The following DOK6 variants were observed in gnomAD, a reference collection of about 807,000 sequenced individuals.
The protein encoded by DOK6 is docking protein 6.
Under a neutral mutation model 44.0 loss-of-function variants are expected in DOK6, and 22 were observed. That is an observed-to-expected ratio of 0.50 (90% CI 0.36 to 0.71). The LOEUF (loss-of-function observed/expected upper bound fraction) is 0.71, where lower values mean the gene tolerates loss of function less well. Among genes scored for constraint, DOK6 ranks in the 30% least tolerant of loss-of-function variants. The pLI is 0.00. For missense variants in DOK6, 340 were observed against 416.4 expected (o/e 0.82, Z 1.60); for synonymous variants, 166 against 145.5 (o/e 1.14, Z -1.01).
chr18:69,743,498 C>T (rs1305966127), intron 6 of DOK6, among the ~76,000 whole-genome samples: 1 of 152,142 alleles, frequency 6.6e-6, no homozygotes, highest in African/African-American at 2.4e-5. Flanking sequence ...GACACGGCCT[C>T]AACTGGATTG....
At chr18:69,538,387 T>C (rs1982177644) in intron 1 of DOK6, among the ~76,000 whole-genome samples, 2 of 152,062 alleles carry the variant, frequency 1.3e-5, no homozygotes, top group South Asian at 4.1e-4. Context: ...ATTTCTCCTT[T>C]TTTTTTCCCC....
chr18:69,434,039 A>C (rs1191111725), intron 1 of DOK6, among the ~76,000 whole-genome samples: 2 of 152,202 alleles, frequency 1.3e-5, no homozygotes, highest in Admixed American at 1.3e-4. Flanking sequence ...TCCATCTGTT[A>C]TCATACATTT....
rs183271964 is a variant in DOK6, at chr18:69,492,825, T to C, written c.67-71662T>C. On this transcript the variant is annotated intron_variant, in intron 1 of 7. Transcript: ENST00000382713. ...TTTACCCAGTCCACCATTGGTGGGC[T>C]TTTTTATAGCTTTGGATTTTTAAGG... Among the ~76,000 whole-genome samples, 38 of 150,170 alleles carry C rather than the reference T, an allele frequency of 2.5e-4. 1 individual carries two copies. Among genetic ancestry groups the C allele is most frequent in the East Asian group, 1.9e-3 (10 of 5,178 alleles).
chr18:69,637,622 T>G (rs1175612511), intron 3 of DOK6, among the ~76,000 whole-genome samples: 1 of 152,182 alleles, frequency 6.6e-6, no homozygotes, highest in East Asian at 1.9e-4. Context: ...GAATATCTAA[T>G]CTATTGGGTC....
At chr18:69,504,040 G>C (rs1222107504) in intron 1 of DOK6, among the ~76,000 whole-genome samples, 1 of 151,922 alleles carries the variant, frequency 6.6e-6, no homozygotes, top group Non-Finnish European at 1.5e-5. Context: ...ATGGATTCAC[G>C]ATGGAAAATT....
intron 3 of DOK6, among the ~76,000 whole-genome samples, chr18:69,601,909 G>A (rs925952760): frequency 1.7e-4 from 26 of 151,988 alleles, no homozygotes; most frequent in African/African-American, 6.0e-4. Flanking sequence ...AGTTCCCAAT[G>A]GCCAAAGATG....
At chr18:69,414,655 G>A (rs1436916414) in intron 1 of DOK6, among the ~76,000 whole-genome samples, 2 of 151,952 alleles carry the variant, frequency 1.3e-5, no homozygotes, top group Non-Finnish European at 2.9e-5. Context: ...GAAATGTTCT[G>A]TATCTTGACT....
chr18:69,719,105 C>T (rs555288231), intron 5 of DOK6, among the ~76,000 whole-genome samples: 54 of 152,272 alleles, frequency 3.5e-4, no homozygotes, highest in African/African-American at 1.2e-3. Context: ...AGTGGTGTTG[C>T]AACAGAGAAA....
At chr18:69,744,485 G>A (rs1191378182) in intron 6 of DOK6, among the ~76,000 whole-genome samples, 1 of 151,810 alleles carries the variant, frequency 6.6e-6, no homozygotes, top group Non-Finnish European at 1.5e-5. Context: ...CATGGATTGC[G>A]ATGAAACAAC....
intron 1 of DOK6, among the ~76,000 whole-genome samples, chr18:69,485,936 C>G (rs1980565793): frequency 6.6e-6 from 1 of 150,416 alleles, no homozygotes; most frequent in African/African-American, 2.5e-5. Flanking sequence ...TCCCCTAAAA[C>G]TAAGCTTTTT....
intron 4 of DOK6, among the ~76,000 whole-genome samples, chr18:69,691,435 G>GTTT (rs1234449606): frequency 4.8e-5 from 3 of 62,634 alleles, no homozygotes; most frequent in Non-Finnish European, 1.0e-4. Flanking sequence ...TGTAGAATTT[G>GTTT]GGTTGTTTGT....
intron 1 of DOK6, among the ~76,000 whole-genome samples, chr18:69,536,548 C>T (rs77818659): frequency 0.12 from 18,726 of 151,976 alleles, 1,538 homozygotes; most frequent in South Asian, 0.29. Context: ...TTTTAATAAT[C>T]ATAGTTATTT....
chr18:69,628,272 C>T (rs1261838187), intron 3 of DOK6, among the ~76,000 whole-genome samples: 1 of 152,146 alleles, frequency 6.6e-6, no homozygotes, highest in Non-Finnish European at 1.5e-5. Context: ...AGGTGGATCA[C>T]TTGAGGCCAG....
intron 1 of DOK6, among the ~76,000 whole-genome samples, chr18:69,560,074 G>T (rs1010671353): frequency 2.6e-5 from 4 of 152,074 alleles, no homozygotes; most frequent in African/African-American, 9.7e-5. Flanking sequence ...AGAGTTTCAG[G>T]TAAGAGTTTG....
At chr18:69,482,305 A>G (rs985403888) in intron 1 of DOK6, among the ~76,000 whole-genome samples, 2 of 152,126 alleles carry the variant, frequency 1.3e-5, no homozygotes, top group Non-Finnish European at 1.5e-5. Context: ...GCCCATGCCT[A>G]TGTCCTGAAT....
intron 3 of DOK6, among the ~76,000 whole-genome samples, chr18:69,629,430 T>G (rs904709802): frequency 4.6e-5 from 7 of 152,234 alleles, no homozygotes; most frequent in Admixed American, 3.3e-4. Flanking sequence ...ATATGGTGTC[T>G]AATTAAAAGA....
intron 1 of DOK6, among the ~76,000 whole-genome samples, chr18:69,417,705 A>T (rs1978377775): frequency 6.6e-6 from 1 of 152,140 alleles, no homozygotes. Context: ...TTTCCTTTGC[A>T]TCCTCGCCAG....
At chr18:69,670,486 G>GA (rs59029101) in intron 3 of DOK6, among the ~76,000 whole-genome samples, 2,725 of 149,044 alleles carry the variant, frequency 0.018, 78 homozygotes, top group African/African-American at 0.064. Flanking sequence ...GTATTCTTGA[G>GA]AAACCTAAAA....
Position 69,570,078 on chromosome 18 carries a change from A to C in DOK6, c.174+5484A>C, listed in dbSNP as rs150496802. ...GGATGGAAGGAGGTTTCAGGAAAAA[A>C]AAAACTGTTGAGTACTATGCTTAGT... is the stretch of plus-strand genomic sequence containing the variant. On this transcript the variant is annotated intron_variant, in intron 2 of 7. Coordinates refer to ENST00000382713, the MANE Select transcript of DOK6 (RefSeq NM_152721.6). 4.7e-4 allele frequency among the ~76,000 whole-genome samples: 72 copies of C among 152,230 alleles called. No homozygotes were observed. The East Asian group carries it at 0.013, about 27-fold the overall frequency.
Sources: gnomAD v4.1 joint callset for allele counts (sites outside exome capture counted in the v4.1 genomes callset) on GRCh38, gnomAD v4.1.1 for gene constraint, MANE v1.5 for transcripts, NCBI Gene and HGNC (gene_info 2026-07-23, HGNC 2026-07-21) for gene names.